The following SLCO1B1 variants were observed in gnomAD, a reference collection of about 807,000 sequenced individuals.
SLCO1B1 encodes solute carrier organic anion transporter family member 1B1.
A neutral mutation model predicts 70.1 loss-of-function variants in SLCO1B1; 81 were observed. The observed-to-expected ratio is 1.16, with a 90% CI of 0.97 to 1.39. The LOEUF is 1.39. Among genes scored for constraint, SLCO1B1 ranks in the 40% most tolerant of loss-of-function variants. The pLI, the probability that SLCO1B1 is intolerant of heterozygous loss-of-function variation, is 0.00. For synonymous variants in SLCO1B1, 283 were observed against 271.5 expected, an observed-to-expected ratio of 1.04 and a Z score of -0.42; for missense variants, 895 against 799.6, an observed-to-expected ratio of 1.12 and a Z score of -1.44.
chr12:21,217,205 T>A lies in SLCO1B1; in HGVS notation c.1584T>A (p.Asp528Glu), dbSNP rs1367687033. The change falls in exon 12 of 15, where the codon GAT (aspartate) becomes GAA (glutamate). Residue 528 changes from aspartate to glutamate, a missense_variant. Coordinates refer to ENST00000256958, the MANE Select transcript of SLCO1B1 (RefSeq NM_006446.5). ...ATTTGGGTGAATGCCCAAGAGATGA[T>A]GCTTGTACAAGGAAATTTTACTTTT... ...SAHLGECPRD[D>E]ACTRKFYFFV... 5 of 1,613,768 alleles carry A rather than the reference T, an allele frequency of 3.1e-6. No individual in the cohort carries two copies. The highest frequency in any genetic ancestry group is 4.2e-6 in the Non-Finnish European group (5 of 1,179,722).
At chr12:21,139,758 G>A (rs1940280907) in intron 1 of SLCO1B1, among the ~76,000 whole-genome samples, 1 of 152,120 alleles carries the variant, frequency 6.6e-6, no homozygotes, top group Non-Finnish European at 1.5e-5. Flanking sequence ...AACTAAGGTT[G>A]AACAAAATGA....
At chr12:21,223,148 T>C (rs1478089726) in intron 13 of SLCO1B1, among the ~76,000 whole-genome samples, 1 of 152,124 alleles carries the variant, frequency 6.6e-6, no homozygotes, top group African/African-American at 2.4e-5. Context: ...GAAATGAGAC[T>C]ATGAGAATGG....
At chr12:21,137,948 C>A (rs1439768737) in intron 1 of SLCO1B1, among the ~76,000 whole-genome samples, 2 of 152,210 alleles carry the variant, frequency 1.3e-5, no homozygotes, top group Non-Finnish European at 2.9e-5. Flanking sequence ...GAGCTGTAGA[C>A]CAGAGCTGTT....
intron 11 of SLCO1B1, among the ~76,000 whole-genome samples, chr12:21,214,727 T>C (rs1326869403): frequency 2.0e-5 from 3 of 152,142 alleles, no homozygotes; most frequent in African/African-American, 7.2e-5. Flanking sequence ...TCCATGGGCG[T>C]AGGACCCTCC....
intron 14 of SLCO1B1, among the ~76,000 whole-genome samples, chr12:21,227,415 G>T (rs1482918019): frequency 6.6e-6 from 1 of 152,094 alleles, no homozygotes; most frequent in African/African-American, 2.4e-5. Flanking sequence ...CATCTCTGGA[G>T]TAAAGACCTA....
intron 11 of SLCO1B1, among the ~76,000 whole-genome samples, chr12:21,212,803 C>G (rs1941304400): frequency 6.7e-6 from 1 of 150,282 alleles, no homozygotes; most frequent in African/African-American, 2.5e-5. Context: ...GAATTGATCC[C>G]TTTACCATTA....
chr12:21,183,197 C>T (rs1435417105), intron 7 of SLCO1B1, among the ~76,000 whole-genome samples: 1 of 151,814 alleles, frequency 6.6e-6, no homozygotes, highest in Non-Finnish European at 1.5e-5. Flanking sequence ...CAATTTAAAA[C>T]ATCTGCCTAT....
chr12:21,216,245 T>C (rs904183540), intron 11 of SLCO1B1, among the ~76,000 whole-genome samples: 4 of 152,104 alleles, frequency 2.6e-5, no homozygotes, highest in African/African-American at 7.2e-5. Flanking sequence ...AATACACTTG[T>C]TCCATAAAAA....
chr12:21,142,989 G>A (rs147667489), intron 2 of SLCO1B1, among the ~76,000 whole-genome samples: 127 of 151,982 alleles, frequency 8.4e-4, no homozygotes, highest in Admixed American at 1.6e-3. Context: ...CCCTAATGCT[G>A]GTATTTCAGA....
chr12:21,238,779 A>G (rs1484496515), intron 14 of SLCO1B1, among the ~76,000 whole-genome samples, 200 bp from the exon 15 acceptor site: 1 of 152,108 alleles, frequency 6.6e-6, no homozygotes, highest in African/African-American at 2.4e-5. Flanking sequence ...CAACTAGAGT[A>G]TAGTTTCTAT....
Position 21,202,685 on chromosome 12 carries a change from G to T in SLCO1B1, c.1330G>T (p.Gly444Ter). Residue 444 changes from glycine (G) to a stop codon, truncating the protein, a stop_gained and splice_region_variant, in exon 10 of 15, where the codon GGA becomes TGA. Coordinates refer to ENST00000256958, the MANE Select transcript of SLCO1B1 (RefSeq NM_006446.5). LOFTEE classifies it high-confidence loss of function. The stretch of plus-strand genomic sequence containing the variant: ...TGCCGGACTAACCATGACCTATGAT[G>T]GGTTTGTATATATCACTATATCAAT... ...SVAGLTMTYDGNNPVTSHRDV... is the reference protein window; with the variant it reads ...SVAGLTMTYD 1 of 1,606,866 alleles carries T rather than the reference G, an allele frequency of 6.2e-7. No individual in the cohort carries two copies. The highest frequency in any genetic ancestry group is 1.1e-5 in the South Asian group (1 of 90,946).
chr12:21,221,543 T>A (rs1941424140), intron 12 of SLCO1B1, among the ~76,000 whole-genome samples: 1 of 152,046 alleles, frequency 6.6e-6, no homozygotes, highest in Non-Finnish European at 1.5e-5. Flanking sequence ...ATATCCTTAA[T>A]CTATAAGAAA....
At chr12:21,166,492 C>T (rs917631504) in intron 2 of SLCO1B1, among the ~76,000 whole-genome samples, 1 of 152,018 alleles carries the variant, frequency 6.6e-6, no homozygotes, top group Admixed American at 6.6e-5. Context: ...TGAACAGATG[C>T]CTCACTGAAG....
intron 2 of SLCO1B1, chr12:21,164,836 TC>T: frequency 2.0e-6 from 1 of 493,182 alleles, no homozygotes; most frequent in Non-Finnish European, 4.1e-6. Flanking sequence ...AGTCCCTTTT[TC>T]CTATCTGCAC....
At chr12:21,149,077 T>C (rs1940430756) in intron 2 of SLCO1B1, among the ~76,000 whole-genome samples, 1 of 152,188 alleles carries the variant, frequency 6.6e-6, no homozygotes, top group Non-Finnish European at 1.5e-5. Context: ...TGATTTTGTA[T>C]CCTGAGACTT....
chr12:21,158,810 G>T, intron 2 of SLCO1B1, among the ~76,000 whole-genome samples: 1 of 151,352 alleles, frequency 6.6e-6, no homozygotes, highest in East Asian at 1.9e-4. Flanking sequence ...CTGGATCTTG[G>T]GTGTTGTAGT....
At chr12:21,232,169 C>T (rs1048241330) in intron 14 of SLCO1B1, among the ~76,000 whole-genome samples, 1 of 152,200 alleles carries the variant, frequency 6.6e-6, no homozygotes, top group African/African-American at 2.4e-5. Context: ...CATTCATTCC[C>T]TGGGCCAAGA....
At chr12:21,160,422 A>T (rs1940602489) in intron 2 of SLCO1B1, among the ~76,000 whole-genome samples, 1 of 152,104 alleles carries the variant, frequency 6.6e-6, no homozygotes, top group South Asian at 2.1e-4. Context: ...CTAGCTGGTC[A>T]TACACAGAAA....
intron 2 of SLCO1B1, among the ~76,000 whole-genome samples, chr12:21,154,919 A>T (rs1940520598): frequency 6.6e-6 from 1 of 151,960 alleles, no homozygotes; most frequent in African/African-American, 2.4e-5. Flanking sequence ...TAAAAAATAT[A>T]TTTCTTTGTC....
Sources: allele counts gnomAD v4.1 joint callset (sites outside exome capture counted in the v4.1 genomes callset), GRCh38; gene constraint gnomAD v4.1.1; transcripts MANE v1.5; gene names NCBI Gene and HGNC (gene_info 2026-07-23, HGNC 2026-07-21).